GRAMD1A: variants seen among roughly 807,000 people sequenced by gnomAD.
GRAMD1A encodes GRAM domain containing 1A.
GRAMD1A carries 50 observed loss-of-function variants against 92.0 expected under a neutral mutation model. The observed-to-expected ratio is 0.54, with a 90% CI of 0.43 to 0.69. The LOEUF is 0.69. Among genes scored for constraint, GRAMD1A ranks in the 30% least tolerant of loss-of-function variants. The pLI, the probability that GRAMD1A is intolerant of heterozygous loss-of-function variation, is 0.00. For missense variants in GRAMD1A, 819 were observed against 978.9 expected (o/e 0.84, Z 2.18); for synonymous variants, 405 against 403.6 (o/e 1.00, Z -0.04).
In GRAMD1A at chr19:35,023,574, C is replaced by T. The variant is rs199647098; in HGVS notation, c.2082+27C>T. ...TAGGAGGCGCCGCTCGGGCAGGGCTCGGGGCTGCGGGGCTGCAGGGTCCTG... is the reference window on the plus strand; with the variant it reads ...TAGGAGGCGCCGCTCGGGCAGGGCTTGGGGCTGCGGGGCTGCAGGGTCCTG... On this transcript the variant is annotated intron_variant, in intron 19 of 19. Transcript: ENST00000317991. 143 of 1,543,088 alleles carry T rather than the reference C, an allele frequency of 9.3e-5. 1 individual carries two copies. In the African/African-American group the frequency reaches 1.5e-3, roughly 17 times the overall value.
chr19:35,002,075 T>G (rs1281265070), intron 1 of GRAMD1A, among the ~76,000 whole-genome samples: 1 of 152,086 alleles, frequency 6.6e-6, no homozygotes. Flanking sequence ...GGCCTCTCTG[T>G]GTACAGCTGA....
intron 13 of GRAMD1A, 141 bp downstream of exon 13, chr19:35,019,674 G>A (rs2015907843): frequency 8.6e-6 from 7 of 813,300 alleles, no homozygotes; most frequent in Non-Finnish European, 1.4e-5. Flanking sequence ...CTTGTCCTCC[G>A]AATAGTGGAG....
At position 35,010,394 on chromosome 19, in the gene GRAMD1A, G is replaced by T; in HGVS notation, c.525+15G>T. On this transcript the variant is annotated intron_variant, in intron 6 of 19. Transcript: ENST00000317991. ...AGAGCGAGAAGGTGACGGAGGACCC[G>T]GTGACGGGACCACGCGGTCCCCCGC... 1 of 1,579,588 alleles carries T rather than the reference G, an allele frequency of 6.3e-7. No homozygotes were observed. Among genetic ancestry groups the T allele is most frequent in the South Asian group, 1.1e-5 (1 of 90,478 alleles).
At chr19:35,007,794 G>A (rs995421522) in intron 1 of GRAMD1A, among the ~76,000 whole-genome samples, 6 of 152,048 alleles carry the variant, frequency 3.9e-5, no homozygotes, top group African/African-American at 1.4e-4. Context: ...GATCACTTAA[G>A]CCCGGGAGCT....
At position 34,995,082 on chromosome 19, in the gene GRAMD1A, C is replaced by A. The variant is rs551658690; in HGVS notation, c.-30+257C>A. ...TGGCTTCCTCCCAGGCCCAGAAGGC[C>A]CCAGCTGGCCACCTCCCTTTGTTTG... On this transcript the variant is annotated intron_variant, in intron 1 of 19. Coordinates refer to the GRAMD1A transcript ENST00000599564. Among the ~76,000 whole-genome samples, 3 of 152,280 alleles carry A rather than the reference C, an allele frequency of 2.0e-5. No individual in the cohort carries two copies. In the South Asian group the frequency reaches 6.2e-4, roughly 32 times the overall value.
At chr19:34,995,960 G>A (rs1487799170), upstream of GRAMD1A, 3 of 1,388,114 alleles carry the variant, frequency 2.2e-6, no homozygotes, top group Non-Finnish European at 1.9e-6. Flanking sequence ...TTAAGCGGGA[G>A]CTCTATCCCT....
At chr19:35,024,150 G>A (rs2016279983) in intron 19 of GRAMD1A, among the ~76,000 whole-genome samples, 1 of 152,200 alleles carries the variant, frequency 6.6e-6, no homozygotes, top group Non-Finnish European at 1.5e-5. Context: ...TCCAATTCCG[G>A]TGTGTGACCT....
Position 35,010,038 on chromosome 19 carries a change from G to A in GRAMD1A, c.326-54G>A, listed in dbSNP as rs553964024. On this transcript the variant is annotated intron_variant, in intron 4 of 19. Transcript: ENST00000317991. ...TGTGACTCTCCGCCAGCCCGCGGGC[G>A]CCGGCTGAGCCTCGTGACTTGGGTG... The A allele has an allele frequency of 1.0e-3, 1,528 of 1,527,228 alleles. 7 individuals carry two copies. The Middle Eastern group carries it at 0.013, about 13-fold the overall frequency. 94.6% of individuals were successfully genotyped at this position (1,527,228 alleles called of 1,614,324 possible).
At position 35,021,470 on chromosome 19, in the gene GRAMD1A, C is replaced by G; in HGVS notation, c.1476-32C>G. 1 of 1,533,262 alleles carries G rather than the reference C, an allele frequency of 6.5e-7. No homozygotes were observed. The highest frequency in any genetic ancestry group is 1.1e-5 in the South Asian group (1 of 89,430). 95.0% of individuals were successfully genotyped at this position (1,533,262 alleles called of 1,614,324 possible). ...GGGCAGCCAGGGCTGGAGTCAGACC[C>G]TTACCTCCTTCCCCTGATCTCCCAA... On this transcript the variant is annotated intron_variant, in intron 13 of 19. Transcript: ENST00000317991. This position sits in a 1 kb window ranked among gnomAD's most constrained non-coding sequence, Gnocchi z 5.3.
chr19:35,014,126 G>C, intron 9 of GRAMD1A, 63 bp from the exon 10 acceptor site: 1 of 1,440,448 alleles, frequency 6.9e-7, no homozygotes, highest in Middle Eastern at 2.4e-4. Context: ...TGGCCAGTGT[G>C]GACTTGGGAG....
Position 35,013,699 on chromosome 19 carries a change from G to A in GRAMD1A, c.870+8G>A, listed in dbSNP as rs763248686. On this transcript the variant is annotated splice_region_variant and intron_variant, in intron 9 of 19. Coordinates refer to ENST00000317991, the MANE Select transcript of GRAMD1A (RefSeq NM_020895.5). This position sits in a 1 kb window ranked among gnomAD's most constrained non-coding sequence, Gnocchi z 4.9. The stretch of plus-strand genomic sequence containing the variant: ...AGCGACGCAGACCATGGGGTGAGCG[G>A]TGGGTTGGAAGAGGGGTGGGATACT... 1.1e-5 allele frequency: 17 copies of A among 1,601,986 alleles called. No individual in the cohort carries two copies. Among genetic ancestry groups the A allele is most frequent in the Non-Finnish European group, 1.4e-5 (17 of 1,172,732 alleles).
In GRAMD1A at chr19:35,014,095, G is replaced by A. The variant is rs1670803237; in HGVS notation, c.871-94G>A. On this transcript the variant is annotated intron_variant, in intron 9 of 19. Transcript: ENST00000317991. ...TCGGTGCACACACCACCCCGGGTCT[G>A]CACAGGCTCTGGAATCCTTGTGGCC... is the stretch of plus-strand genomic sequence containing the variant. 5.7e-6 allele frequency: 7 copies of A among 1,218,294 alleles called. No homozygotes were observed. In the South Asian group the frequency reaches 8.9e-5, roughly 15 times the overall value. The allele number at this position is 1,218,294 out of a possible 1,614,324, so 75.5% of individuals were successfully genotyped here. A position where few individuals can be genotyped will look rare whatever the true frequency, so the allele number is the denominator to read the frequency against.
At chr19:34,999,789 A>C (rs906030612), upstream of GRAMD1A, among the ~76,000 whole-genome samples, 1 of 152,216 alleles carries the variant, frequency 6.6e-6, no homozygotes, top group Non-Finnish European at 1.5e-5. Context: ...TGGCTGACCA[A>C]AACTGGGAAG....
chr19:35,011,093 C>A (rs1490171744), intron 6 of GRAMD1A, among the ~76,000 whole-genome samples: 6 of 131,302 alleles, frequency 4.6e-5, no homozygotes, highest in Admixed American at 1.6e-4. Context: ...CAAAGCCAGA[C>A]CCTGTCTCAA....
At chr19:35,025,596 G>A (rs2016378862) in intron 19 of GRAMD1A, among the ~76,000 whole-genome samples, 1 of 152,186 alleles carries the variant, frequency 6.6e-6, no homozygotes, top group Non-Finnish European at 1.5e-5. Context: ...AGAGGTTCGA[G>A]GAGCTCAGGA....
chr19:35,000,580 G>T lies in GRAMD1A; in HGVS notation c.8+94G>T. On this transcript the variant is annotated intron_variant, in intron 1 of 19. Coordinates refer to ENST00000317991, the MANE Select transcript of GRAMD1A (RefSeq NM_020895.5). The surrounding 1 kb of genome is among the most constrained non-coding windows in gnomAD (Gnocchi z 4.9). ...GCGGGCTTGGGGAGGGGGCGGAGCG[G>T]CCGCTGCAGAGGTCGGGGGCCTCTG... is the stretch of plus-strand genomic sequence containing the variant. The T allele has an allele frequency of 1.1e-6, 1 of 944,622 alleles. No individual in the cohort carries two copies. Among genetic ancestry groups the T allele is most frequent in the Non-Finnish European group, 1.3e-6 (1 of 751,944 alleles). 58.5% of individuals were successfully genotyped at this position (944,622 alleles called of 1,614,324 possible). A position where few individuals can be genotyped will look rare whatever the true frequency, so the allele number is the denominator to read the frequency against.
intron 16 of GRAMD1A, 110 bp from the exon 17 acceptor site, chr19:35,022,790 G>T: frequency 1.0e-6 from 1 of 995,302 alleles, no homozygotes; most frequent in South Asian, 1.7e-5. Flanking sequence ...TCCAGTGAGG[G>T]GGCGTGGTGC....
chr19:35,013,398 G>A lies in GRAMD1A; in HGVS notation c.719+30G>A. 2.0e-6 allele frequency: 3 copies of A among 1,512,322 alleles called. No individual in the cohort carries two copies. Among genetic ancestry groups the A allele is most frequent in the Non-Finnish European group, 2.7e-6 (3 of 1,102,504 alleles). The allele number at this position is 1,512,322 out of a possible 1,614,324, so 93.7% of individuals were successfully genotyped here. ...GTTGGAGGTCAAAGGAGGTTGAAGG[G>A]TTCGGGGGAGAACAGGACGGTCGGC... On this transcript the variant is annotated intron_variant, in intron 8 of 19. Transcript: ENST00000317991. This position sits in a 1 kb window ranked among gnomAD's most constrained non-coding sequence, Gnocchi z 4.9.
At chr19:35,017,355 C>G (rs1420491024) in intron 11 of GRAMD1A, among the ~76,000 whole-genome samples, 2 of 152,138 alleles carry the variant, frequency 1.3e-5, no homozygotes, top group African/African-American at 4.8e-5. Context: ...ACACGCCAGC[C>G]CTTTTAGGAC....
Sources: gnomAD v4.1 joint callset for allele counts (sites outside exome capture counted in the v4.1 genomes callset) on GRCh38, gnomAD v4.1.1 for gene constraint, Gnocchi (gnomAD v3.1) non-coding constraint, MANE v1.5 for transcripts, NCBI Gene and HGNC (gene_info 2026-07-23, HGNC 2026-07-21) for gene names.